The following MTBP variants were observed in gnomAD, a reference collection of about 807,000 sequenced individuals.
The protein encoded by MTBP is MDM2 binding protein, also known as mdm2-binding protein.
MTBP carries 101 observed loss-of-function variants against 117.0 expected under a neutral mutation model. The ratio of observed to expected loss-of-function variants is 0.86; its 90% confidence interval spans 0.73 to 1.02. MTBP has a LOEUF of 1.02. Among genes scored for constraint, MTBP ranks in the 50% least tolerant of loss-of-function variants. The pLI is 0.00. For missense variants in MTBP, 970 were observed against 1,030.9 expected (o/e 0.94, Z 0.81); for synonymous variants, 350 against 351.5 (o/e 1.00, Z 0.05).
chr8:120,471,147 T>C (rs1813808523), intron 11 of MTBP: 1 of 423,408 alleles, frequency 2.4e-6, no homozygotes, highest in African/African-American at 2.0e-5. Context: ...ATGCTAGTGA[T>C]CTAAAGGCAG....
rs948740954 is a variant in MTBP, at chr8:120,466,378, A to AT, written c.1047+2626dup. 2.0e-3 allele frequency among the ~76,000 whole-genome samples: 297 copies of AT among 150,076 alleles called. 1 individual carries two copies. The highest frequency in any genetic ancestry group is 6.9e-3 in the Middle Eastern group (2 of 290). ...AAGCATACACCACCATGGTTGGCTA[A>AT]TTTTTTTTTGTATATTTAGTGGAGA... On this transcript the variant is annotated intron_variant, in intron 10 of 21. Coordinates refer to ENST00000305949, the MANE Select transcript of MTBP (RefSeq NM_022045.5).
intron 11 of MTBP, among the ~76,000 whole-genome samples, chr8:120,486,253 C>G (rs559841890): frequency 9.9e-5 from 15 of 152,240 alleles, no homozygotes; most frequent in African/African-American, 3.4e-4. Context: ...TTGAGACCAC[C>G]TTTAGGCTCC....
intron 6 of MTBP, among the ~76,000 whole-genome samples, chr8:120,456,108 A>G (rs764196514): frequency 2.2e-4 from 34 of 152,186 alleles, no homozygotes; most frequent in Non-Finnish European, 3.7e-4. Flanking sequence ...GTGAGAAGAC[A>G]TGATCTTTTT....
At chr8:120,445,712 C>A in intron 1 of MTBP, 124 bp downstream of exon 1, 1 of 747,060 alleles carries the variant, frequency 1.3e-6, no homozygotes, top group African/African-American at 1.8e-5. Context: ...GGGACTCTAT[C>A]TGGGATAGAG....
intron 4 of MTBP, chr8:120,452,048 G>A (rs1302692773): frequency 6.6e-6 from 1 of 151,980 alleles, no homozygotes; most frequent in Non-Finnish European, 1.5e-5. Context: ...CATAGAGTTT[G>A]TGAGGATTAT....
Position 120,516,143 on chromosome 8 carries a change from G to C in MTBP, c.2198G>C (p.Arg733Pro), listed in dbSNP as rs376379256. 15 of 1,612,380 alleles carry C rather than the reference G, an allele frequency of 9.3e-6. No homozygotes were observed. The highest frequency in any genetic ancestry group is 1.3e-5 in the Non-Finnish European group (15 of 1,178,878). The change falls in exon 18 of 22, where the codon CGA becomes CCA. Residue 733 changes from arginine (R) to proline (P), a missense_variant. Transcript: ENST00000305949. ...AATGAACTTCGAACTGAAGTATCCCGATTGAAACGGAGATCTAAAGATCTG... is the reference window on the plus strand; with the variant it reads ...AATGAACTTCGAACTGAAGTATCCCCATTGAAACGGAGATCTAAAGATCTG... Reference protein sequence around the residue: ...LQNELRTEVSRLKRRSKDLNC... With the variant: ...LQNELRTEVSPLKRRSKDLNC...
At chr8:120,454,135 G>A (rs1202423386) in intron 5 of MTBP, among the ~76,000 whole-genome samples, 1 of 151,940 alleles carries the variant, frequency 6.6e-6, no homozygotes, top group Non-Finnish European at 1.5e-5. Flanking sequence ...TAGAACTTTG[G>A]ACATTAAATA....
chr8:120,519,997 C>A (rs1031393970), intron 20 of MTBP, among the ~76,000 whole-genome samples: 2 of 152,076 alleles, frequency 1.3e-5, no homozygotes, highest in African/African-American at 4.8e-5. Flanking sequence ...GCTAACTGGC[C>A]ATCTTGTCAC....
chr8:120,461,409 T>G (rs1813580795), intron 9 of MTBP, among the ~76,000 whole-genome samples, 154 bp downstream of exon 9: 1 of 152,174 alleles, frequency 6.6e-6, no homozygotes, highest in South Asian at 2.1e-4. Flanking sequence ...GGACTCCTTA[T>G]TTTTGGAGTT....
chr8:120,506,348 G>C (rs894225147), intron 15 of MTBP, among the ~76,000 whole-genome samples: 42 of 151,984 alleles, frequency 2.8e-4, no homozygotes, highest in Middle Eastern at 3.2e-3. Flanking sequence ...ACATACAAGA[G>C]AATTTAGATT....
At chr8:120,516,853 T>G (rs1586974643) in intron 18 of MTBP, among the ~76,000 whole-genome samples, 1 of 152,132 alleles carries the variant, frequency 6.6e-6, no homozygotes, top group Middle Eastern at 3.4e-3. Flanking sequence ...AAGTATGAAC[T>G]ATATGAAAAC....
At chr8:120,513,691 T>C (rs905222428) in intron 17 of MTBP, among the ~76,000 whole-genome samples, 1 of 151,994 alleles carries the variant, frequency 6.6e-6, no homozygotes, top group Non-Finnish European at 1.5e-5. Flanking sequence ...GAAATATTCA[T>C]CTTAGAATCA....
In MTBP at chr8:120,523,329, A is replaced by G. The variant is rs1329552381; in HGVS notation, c.2708A>G (p.Lys903Arg). ...GACTGGGTATTAGAAAAGACAAGCA[A>G]GAAATGATACATAATCATTCTCTTT... ...VIDWVLEKTSKK is the reference protein window; with the variant it reads ...VIDWVLEKTSRK Residue 903 changes from lysine (K) to arginine (R), a missense_variant, in exon 22 of 22, where the codon AAG becomes AGG. Coordinates refer to ENST00000305949, the MANE Select transcript of MTBP (RefSeq NM_022045.5). 1.3e-6 allele frequency: 2 copies of G among 1,548,932 alleles called. No homozygotes were observed. The highest frequency in any genetic ancestry group is 1.4e-5 in the African/African-American group (1 of 72,934).
At position 120,482,260 on chromosome 8, in the gene MTBP, A is replaced by G. The variant is rs558375048; in HGVS notation, c.1166-5899A>G. On this transcript the variant is annotated intron_variant, in intron 11 of 21. Coordinates refer to ENST00000305949, the MANE Select transcript of MTBP (RefSeq NM_022045.5). ...AAGAATCCTTTAGATGCTTTGAGGC[A>G]GAAAAAAAATTGAGAATCACTACTT... Among the ~76,000 whole-genome samples, 21 of 152,322 alleles carry G rather than the reference A, an allele frequency of 1.4e-4. No individual in the cohort carries two copies. The South Asian group carries it at 3.1e-3, about 23-fold the overall frequency.
chr8:120,505,193 T>G (rs981742472), intron 15 of MTBP, among the ~76,000 whole-genome samples: 1 of 152,066 alleles, frequency 6.6e-6, no homozygotes, highest in Non-Finnish European at 1.5e-5. Flanking sequence ...TTCCATAGGT[T>G]TAGTCCTGTT....
Position 120,484,444 on chromosome 8 carries a change from T to C in MTBP, c.1166-3715T>C, listed in dbSNP as rs546713732. Among the ~76,000 whole-genome samples the C allele has an allele frequency of 2.6e-5, 4 of 152,276 alleles. No homozygotes were observed. In the East Asian group the frequency reaches 7.7e-4, roughly 29 times the overall value. On this transcript the variant is annotated intron_variant, in intron 11 of 21. Transcript: ENST00000305949. ...TCCTATCTATGAAATAAACTGTAGC[T>C]ATTGTAATAAAATTACAGTACTTTC... is the stretch of plus-strand genomic sequence containing the variant.
chr8:120,484,118 G>T (rs559469742), intron 11 of MTBP, among the ~76,000 whole-genome samples: 1 of 152,122 alleles, frequency 6.6e-6, no homozygotes, highest in South Asian at 2.1e-4. Context: ...GCAAATAAAG[G>T]TGATGAGATT....
At position 120,506,841 on chromosome 8, in the gene MTBP, A is replaced by G. The variant is rs370667712; in HGVS notation, c.1863A>G (p.Gln621=). The change falls in exon 16 of 22, where the codon CAA becomes CAG. Residue 621 remains glutamine (Q), a synonymous_variant. Transcript: ENST00000305949. The part of the protein sequence containing the change: ...TSDGLPIGDL[Q]PLPIQKGEKT... The stretch of plus-strand genomic sequence containing the variant: ...ATGGATTACCCATTGGAGATCTTCA[A>G]CCTTTACCGATTCAAAAGGGGTAGG... 153 of 1,607,526 alleles carry G rather than the reference A, an allele frequency of 9.5e-5. 1 individual carries two copies. The highest frequency in any genetic ancestry group is 6.6e-4 in the Middle Eastern group (4 of 6,032).
chr8:120,515,042 A>C (rs1379157944), intron 17 of MTBP, among the ~76,000 whole-genome samples: 1 of 99,362 alleles, frequency 1.0e-5, no homozygotes, highest in Non-Finnish European at 2.7e-5. Flanking sequence ...TGTTCAGGAA[A>C]TGATAACACT....
Sources: allele counts gnomAD v4.1 joint callset (sites outside exome capture counted in the v4.1 genomes callset), GRCh38; gene constraint gnomAD v4.1.1; transcripts MANE v1.5; gene names NCBI Gene and HGNC (gene_info 2026-07-23, HGNC 2026-07-21).